Variants in FAT3 observed in about 807,000 individuals in gnomAD.
The protein encoded by FAT3 is FAT atypical cadherin 3.
In FAT3, 95 loss-of-function variants were observed where a neutral mutation model predicts 310.2. The ratio of observed to expected loss-of-function variants is 0.31; its 90% confidence interval spans 0.26 to 0.36. FAT3 has a LOEUF of 0.36. FAT3 is among the 10% of genes least tolerant of loss of function. The pLI, the probability that FAT3 is intolerant of heterozygous loss-of-function variation, is 1.00. For missense variants in FAT3, 5,408 were observed against 5,715.6 expected, an observed-to-expected ratio of 0.95 and a Z score of 1.74; for synonymous variants, 2,314 against 2,192.9, an observed-to-expected ratio of 1.06 and a Z score of -1.54.
chr11:92,340,558 C>A (rs1948224864), intron 1 of FAT3, among the ~76,000 whole-genome samples: 1 of 152,094 alleles, frequency 6.6e-6, no homozygotes, highest in African/African-American at 2.4e-5. Context: ...TACCAGGATC[C>A]CAAAGAGGGG....
chr11:92,483,645 T>C (rs1310705311), intron 2 of FAT3, among the ~76,000 whole-genome samples: 1 of 152,170 alleles, frequency 6.6e-6, no homozygotes, highest in Admixed American at 6.5e-5. Context: ...TATCCCTGTT[T>C]ATTAAACACC....
At position 92,706,411 on chromosome 11, in the gene FAT3, G is replaced by A. The variant is rs148179881; in HGVS notation, c.3669+8966G>A. On this transcript the variant is annotated intron_variant, in intron 4 of 27. Transcript: ENST00000525166. ...TCAGAGAAGCAGCATGTGTGGGAGCGGTGGGGATGTGGACGGGGAGGAACA... is the reference window on the plus strand; with the variant it reads ...TCAGAGAAGCAGCATGTGTGGGAGCAGTGGGGATGTGGACGGGGAGGAACA... 5.0e-3 allele frequency among the ~76,000 whole-genome samples: 760 copies of A among 152,134 alleles called. 7 individuals are homozygous for A. Among genetic ancestry groups the A allele is most frequent in the African/African-American group, 0.018 (732 of 41,468 alleles).
intron 2 of FAT3, among the ~76,000 whole-genome samples, chr11:92,395,920 TC>T (rs1949859362): frequency 6.6e-6 from 1 of 152,080 alleles, no homozygotes; most frequent in Non-Finnish European, 1.5e-5. Context: ...CATCCTTGGC[TC>T]CTTTTTTCTC....
chr11:92,293,498 A>G (rs1946756365), intron 1 of FAT3, among the ~76,000 whole-genome samples: 1 of 142,274 alleles, frequency 7.0e-6, no homozygotes, highest in Admixed American at 7.1e-5. Flanking sequence ...TTCAATTTGA[A>G]GCAGAACCTC....
At chr11:92,756,987 C>T (rs548352336) in intron 4 of FAT3, among the ~76,000 whole-genome samples, 17 of 142,878 alleles carry the variant, frequency 1.2e-4, no homozygotes, top group East Asian at 4.1e-4. Context: ...TGCAGTGGCG[C>T]GATCTCAGCT....
chr11:92,843,853 G>T, intron 18 of FAT3, 81 bp from the exon 19 acceptor site: 2 of 1,296,764 alleles, frequency 1.5e-6, no homozygotes, highest in Non-Finnish European at 2.1e-6. Flanking sequence ...AGGTACAGAC[G>T]TCTTCTATCT....
At chr11:92,784,090 A>T (rs1946827709) in intron 7 of FAT3, among the ~76,000 whole-genome samples, 1 of 152,208 alleles carries the variant, frequency 6.6e-6, no homozygotes, top group Admixed American at 6.5e-5. Context: ...GTGAATACAG[A>T]ATTAGCTCTG....
intron 3 of FAT3, among the ~76,000 whole-genome samples, chr11:92,569,014 A>T (rs1368504963): frequency 6.6e-6 from 1 of 152,160 alleles, no homozygotes; most frequent in African/African-American, 2.4e-5. Flanking sequence ...GGAATTTCAG[A>T]TACAGCTTAA....
intron 4 of FAT3, among the ~76,000 whole-genome samples, chr11:92,746,201 G>A (rs1945662421): frequency 6.6e-6 from 1 of 152,206 alleles, no homozygotes; most frequent in Admixed American, 6.5e-5. Flanking sequence ...AGGCGTAACT[G>A]AAGCTCAGTA....
intron 1 of FAT3, among the ~76,000 whole-genome samples, chr11:92,334,892 T>C (rs1045094195): frequency 1.3e-5 from 2 of 152,208 alleles, no homozygotes; most frequent in African/African-American, 4.8e-5. Context: ...CGTGAGGGAA[T>C]GTCAGGCTGG....
intron 3 of FAT3, among the ~76,000 whole-genome samples, chr11:92,556,444 A>G (rs1422359863): frequency 6.6e-6 from 1 of 152,042 alleles, no homozygotes; most frequent in Admixed American, 6.6e-5. Context: ...CTTGGCAAAG[A>G]TGGTATGTTT....
intron 1 of FAT3, among the ~76,000 whole-genome samples, chr11:92,276,057 CAT>C: frequency 6.6e-6 from 1 of 152,186 alleles, no homozygotes; most frequent in African/African-American, 2.4e-5. Flanking sequence ...TTTGTTGACA[CAT>C]GACAGAATAC....
intron 4 of FAT3, among the ~76,000 whole-genome samples, chr11:92,726,951 C>A (rs1945020119): frequency 6.6e-6 from 1 of 151,888 alleles, no homozygotes; most frequent in Admixed American, 6.6e-5. Flanking sequence ...GTCCACATCT[C>A]CCTAGGATTC....
chr11:92,447,836 A>G (rs1475817088), intron 2 of FAT3, among the ~76,000 whole-genome samples: 2 of 151,928 alleles, frequency 1.3e-5, no homozygotes, highest in Non-Finnish European at 2.9e-5. Context: ...TAGGAGGGAA[A>G]GTCAGGCCTG....
intron 1 of FAT3, among the ~76,000 whole-genome samples, chr11:92,319,395 T>C (rs1289885497): frequency 5.3e-5 from 8 of 151,838 alleles, no homozygotes; most frequent in Non-Finnish European, 1.5e-5. Flanking sequence ...ATAGGAAAAA[T>C]ACAAAGTGGT....
Position 92,891,265 on chromosome 11 carries a change from C to A in FAT3, c.*152C>A, listed in dbSNP as rs772576342. 5 of 1,069,368 alleles carry A rather than the reference C, an allele frequency of 4.7e-6. No individual in the cohort carries two copies. The highest frequency in any genetic ancestry group is 6.6e-6 in the Non-Finnish European group (5 of 761,772). 66.2% of individuals were successfully genotyped at this position (1,069,368 alleles called of 1,614,324 possible). ...TTCTTCACAAGTCATACTGTCCCAA[C>A]AAGCAAGCTTGATTCCAGTTGGGTG... On this transcript the variant is annotated 3_prime_UTR_variant, in exon 28 of 28. Coordinates refer to ENST00000525166, the MANE Select transcript of FAT3 (RefSeq NM_001367949.2).
chr11:92,509,802 A>C (rs1953233019), intron 2 of FAT3, among the ~76,000 whole-genome samples: 2 of 152,204 alleles, frequency 1.3e-5, no homozygotes, highest in African/African-American at 4.8e-5. Flanking sequence ...GGTGAAAATA[A>C]TATAGAACAA....
chr11:92,804,724 C>T (rs772648819), intron 10 of FAT3, among the ~76,000 whole-genome samples: 5 of 152,184 alleles, frequency 3.3e-5, no homozygotes, highest in Non-Finnish European at 5.9e-5. Flanking sequence ...CTTAATAGAA[C>T]TAACTGCCTT....
At chr11:92,307,597 C>T (rs947499683) in intron 1 of FAT3, among the ~76,000 whole-genome samples, 12 of 152,192 alleles carry the variant, frequency 7.9e-5, no homozygotes, top group Non-Finnish European at 1.6e-4. Context: ...GCCCCTGCCA[C>T]CAGTTCATCC....
Sources: gnomAD v4.1 joint callset for allele counts (sites outside exome capture counted in the v4.1 genomes callset) on GRCh38, gnomAD v4.1.1 for gene constraint, MANE v1.5 for transcripts, NCBI Gene and HGNC (gene_info 2026-07-23, HGNC 2026-07-21) for gene names.